PRMT8: variants seen among roughly 807,000 people sequenced by gnomAD.
PRMT8 encodes protein arginine methyltransferase 8.
In PRMT8, 7 loss-of-function variants were observed where a neutral mutation model predicts 47.1. That is an observed-to-expected ratio of 0.15 (90% confidence interval 0.08 to 0.28). The LOEUF (loss-of-function observed/expected upper bound fraction) is 0.28, where lower values mean the gene tolerates loss of function less well. Ranked by LOEUF, PRMT8 falls within the 10% of genes least tolerant of loss-of-function variation. PRMT8 has a pLI of 1.00. For synonymous variants in PRMT8, 188 were observed against 186.5 expected (o/e 1.01, Z -0.07); for missense variants, 237 against 505.4 (o/e 0.47, Z 5.09).
chr12:3,496,981 C>T (rs1008808873), intron 1 of PRMT8, among the ~76,000 whole-genome samples: 1 of 144,628 alleles, frequency 6.9e-6, no homozygotes, highest in African/African-American at 2.6e-5. Flanking sequence ...TTTTGGCTGT[C>T]AAAGACAGTG....
intron 1 of PRMT8, among the ~76,000 whole-genome samples, chr12:3,461,662 G>GAC (rs1202627234): frequency 4.6e-4 from 70 of 152,256 alleles, no homozygotes; most frequent in African/African-American, 1.5e-3. Flanking sequence ...CTCAGAGCAG[G>GAC]AAGTCCTCTC....
In PRMT8 at chr12:3,583,264, T is replaced by C. The variant is rs1867107069; in HGVS notation, c.979+56T>C. The C allele has an allele frequency of 3.2e-6, 5 of 1,540,318 alleles. No homozygotes were observed. Among genetic ancestry groups the C allele is most frequent in the Non-Finnish European group, 4.4e-6 (5 of 1,137,194 alleles). On this transcript the variant is annotated intron_variant, in intron 8 of 9. Transcript: ENST00000382622. The surrounding 1 kb of genome is among the most constrained non-coding windows in gnomAD (Gnocchi z 4.7). ...TCCCTCTCCCATGCTTCCTCAAGTC[T>C]TTGTGGGGTGACCAGAGCTGGCCTT... is the stretch of plus-strand genomic sequence containing the variant.
intron 1 of PRMT8, among the ~76,000 whole-genome samples, chr12:3,465,260 T>C (rs1285363649): frequency 2.6e-5 from 1 of 38,948 alleles, no homozygotes; most frequent in Non-Finnish European, 5.9e-5. Flanking sequence ...ATATATTTTA[T>C]AAATATTTAT....
At chr12:3,553,978 T>G (rs1866477358) in intron 4 of PRMT8, among the ~76,000 whole-genome samples, 1 of 152,184 alleles carries the variant, frequency 6.6e-6, no homozygotes, top group Non-Finnish European at 1.5e-5. Context: ...GACCCTTTGC[T>G]TGTCCCCAGC....
intron 4 of PRMT8, among the ~76,000 whole-genome samples, chr12:3,556,098 T>C (rs1866524110): frequency 6.6e-6 from 1 of 152,042 alleles, no homozygotes; most frequent in South Asian, 2.1e-4. Context: ...CCTTTTTGCA[T>C]GTGTTAGGTT....
chr12:3,555,261 G>A (rs1866505210), intron 4 of PRMT8, among the ~76,000 whole-genome samples: 1 of 152,258 alleles, frequency 6.6e-6, no homozygotes, highest in Non-Finnish European at 1.5e-5. Context: ...CACAAAGTCA[G>A]CTGACAGGAC....
intron 1 of PRMT8, among the ~76,000 whole-genome samples, chr12:3,419,892 T>C (rs1399967511): frequency 6.8e-6 from 1 of 147,748 alleles, no homozygotes; most frequent in Non-Finnish European, 1.5e-5. Flanking sequence ...CTCATCATGC[T>C]GTGAGTATGT....
Position 3,576,914 on chromosome 12 carries a change from C to T in PRMT8, c.756C>T (p.Asp252=), listed in dbSNP as rs758189251. 6.2e-6 allele frequency: 10 copies of T among 1,613,984 alleles called. No homozygotes were observed. Among genetic ancestry groups the T allele is most frequent in the East Asian group, 2.2e-5 (1 of 44,880 alleles). ...GCTTTGACATGACCTGCATCCGGGA[C>T]GTGGCCATGAAGGAGCCTCTAGTGG... ...VYGFDMTCIR[D]VAMKEPLVDI... is the part of the protein sequence containing the mutation. Residue 252 remains aspartate, a synonymous_variant, in exon 7 of 10, where the codon GAC becomes GAT. Transcript: ENST00000382622. The surrounding 1 kb of genome is among the most constrained non-coding windows in gnomAD (Gnocchi z 4.0).
At chr12:3,381,485 G>C in intron 1 of PRMT8, 1 of 1,529,422 alleles carries the variant, frequency 6.5e-7, no homozygotes, top group Non-Finnish European at 8.8e-7. Context: ...TCTTCTTCCT[G>C]CAAGTGAAAT....
chr12:3,467,693 C>T (rs1156580991), intron 1 of PRMT8, among the ~76,000 whole-genome samples: 2 of 152,208 alleles, frequency 1.3e-5, no homozygotes, highest in Non-Finnish European at 2.9e-5. Context: ...AACATTCAAC[C>T]AGCAGATAGA....
chr12:3,438,703 C>G (rs150138863), intron 1 of PRMT8, among the ~76,000 whole-genome samples: 192 of 152,314 alleles, frequency 1.3e-3, no homozygotes, highest in African/African-American at 4.5e-3. Flanking sequence ...TCAGAACTTT[C>G]TAGGTCAGTA....
chr12:3,479,279 T>G (rs568415445), intron 1 of PRMT8, among the ~76,000 whole-genome samples: 2 of 152,332 alleles, frequency 1.3e-5, no homozygotes, highest in African/African-American at 4.8e-5. Flanking sequence ...GGCCTGGCCC[T>G]CCATGAAACA....
chr12:3,591,407 CTTTTT>C (rs34619063), intron 8 of PRMT8, among the ~76,000 whole-genome samples: 3 of 115,724 alleles, frequency 2.6e-5, no homozygotes, highest in Admixed American at 9.5e-5. Context: ...AGGGAAAGCT[CTTTTT>C]TTTTTTTTTT....
chr12:3,431,602 C>G (rs566067393), intron 1 of PRMT8, among the ~76,000 whole-genome samples: 61 of 152,140 alleles, frequency 4.0e-4, no homozygotes, highest in Non-Finnish European at 8.4e-4. Flanking sequence ...TCCCAGAGAT[C>G]AAGGAAAGAT....
In PRMT8 at chr12:3,456,968, G is replaced by A. The variant is rs1178385669; in HGVS notation, c.48+75526G>A. On this transcript the variant is annotated intron_variant, in intron 1 of 9. Transcript: ENST00000452611. The surrounding 1 kb of genome is among the most constrained non-coding windows in gnomAD (Gnocchi z 4.2). ...TGGGGGCTCTGGCCTCGCTGACCTC[G>A]CCTGCCATGGCAACTGTAAGGCTGG... 1.3e-5 allele frequency among the ~76,000 whole-genome samples: 2 copies of A among 152,172 alleles called. No homozygotes were observed. The highest frequency in any genetic ancestry group is 2.9e-5 in the Non-Finnish European group (2 of 68,028).
chr12:3,424,086 C>A (rs760862958), intron 1 of PRMT8, among the ~76,000 whole-genome samples: 3 of 152,124 alleles, frequency 2.0e-5, no homozygotes, highest in Non-Finnish European at 4.4e-5. Context: ...AAACAAATTT[C>A]TTATTTTTCC....
At chr12:3,467,097 G>A (rs896168330) in intron 1 of PRMT8, among the ~76,000 whole-genome samples, 2 of 151,854 alleles carry the variant, frequency 1.3e-5, no homozygotes, top group Admixed American at 6.6e-5. Context: ...AAAATTAACC[G>A]GGCGTGGTGG....
At chr12:3,504,973 G>C (rs1337173793) in intron 1 of PRMT8, among the ~76,000 whole-genome samples, 1 of 109,784 alleles carries the variant, frequency 9.1e-6, no homozygotes, top group African/African-American at 3.6e-5. Flanking sequence ...TTCCAGGTGC[G>C]TCCGTCACCC....
chr12:3,482,323 A>T (rs972753471), intron 1 of PRMT8, among the ~76,000 whole-genome samples: 1 of 152,252 alleles, frequency 6.6e-6, no homozygotes, highest in African/African-American at 2.4e-5. Context: ...TTGTTCTGAT[A>T]CTATTCTCCT....
Sources: allele counts gnomAD v4.1 joint callset (sites outside exome capture counted in the v4.1 genomes callset), GRCh38; gene constraint gnomAD v4.1.1; non-coding constraint Gnocchi (gnomAD v3.1); transcripts MANE v1.5; gene names NCBI Gene and HGNC (gene_info 2026-07-23, HGNC 2026-07-21).